Variants in SLCO1B1 observed in about 807,000 individuals in gnomAD.
SLCO1B1 encodes OATP-2.
In SLCO1B1, 81 loss-of-function variants were observed where a neutral mutation model predicts 70.1. The ratio of observed to expected loss-of-function variants is 1.16; its 90% confidence interval spans 0.97 to 1.39. The LOEUF is 1.39. Among genes scored for constraint, SLCO1B1 ranks in the 40% most tolerant of loss-of-function variants. The pLI is 0.00. For synonymous variants in SLCO1B1, 283 were observed against 271.5 expected (o/e 1.04, Z -0.42); for missense variants, 895 against 799.6 (o/e 1.12, Z -1.44).
intron 2 of SLCO1B1, among the ~76,000 whole-genome samples, chr12:21,172,118 C>A (rs1014742166): frequency 6.6e-6 from 1 of 152,152 alleles, no homozygotes; most frequent in South Asian, 2.1e-4. Flanking sequence ...TTAATCGATA[C>A]ATTTTATTAA....
Position 21,217,140 on chromosome 12 carries a change from T to C in SLCO1B1, c.1519T>C (p.Leu507=), listed in dbSNP as rs1423568678. ...TAAGGTGTTTTACAACTGCAGTTGTTTGGAAGTAACTGGTCTCCAGAACAG... is the reference window on the plus strand; with the variant it reads ...TAAGGTGTTTTACAACTGCAGTTGTCTGGAAGTAACTGGTCTCCAGAACAG... The part of the protein sequence containing the change: ...KPIVFYNCSC[L]EVTGLQNRNY... Residue 507 remains leucine (L), a synonymous_variant, in exon 12 of 15, where the codon TTG becomes CTG. Coordinates refer to ENST00000256958, the MANE Select transcript of SLCO1B1 (RefSeq NM_006446.5). The C allele has an allele frequency of 6.2e-7, 1 of 1,613,336 alleles. No individual in the cohort carries two copies. Among genetic ancestry groups the C allele is most frequent in the Non-Finnish European group, 8.5e-7 (1 of 1,179,672 alleles).
intron 2 of SLCO1B1, among the ~76,000 whole-genome samples, chr12:21,157,700 C>G (rs11045798): frequency 0.13 from 19,677 of 150,312 alleles, 1,764 homozygotes; most frequent in Middle Eastern, 0.23. Flanking sequence ...CTCCCAGGTT[C>G]ACGCCATTCT....
Position 21,232,175 on chromosome 12 carries a change from C to T in SLCO1B1, c.1866-6804C>T, listed in dbSNP as rs1941545393. On this transcript the variant is annotated intron_variant, in intron 14 of 14. Coordinates refer to ENST00000256958, the MANE Select transcript of SLCO1B1 (RefSeq NM_006446.5). ...ATCAGAAAGCATTCATTCCCTGGGCCAAGAATTGAGTCCCAGGCCACCATT... is the reference window on the plus strand; with the variant it reads ...ATCAGAAAGCATTCATTCCCTGGGCTAAGAATTGAGTCCCAGGCCACCATT... Among the ~76,000 whole-genome samples the T allele has an allele frequency of 3.9e-5, 6 of 152,282 alleles. No homozygotes were observed. The South Asian group carries it at 1.2e-3, about 32-fold the overall frequency.
intron 11 of SLCO1B1, among the ~76,000 whole-genome samples, chr12:21,206,372 TG>T (rs1253590308): frequency 6.6e-6 from 1 of 151,914 alleles, no homozygotes; most frequent in Non-Finnish European, 1.5e-5. Context: ...TTCATTAAGT[TG>T]GAATTACTTT....
chr12:21,204,958 CACAA>C (rs751520194), intron 10 of SLCO1B1, among the ~76,000 whole-genome samples: 2 of 151,630 alleles, frequency 1.3e-5, no homozygotes, highest in Non-Finnish European at 2.9e-5. Flanking sequence ...ATTTGGGGGC[CACAA>C]ACATTCTGAC....
At chr12:21,158,564 C>A (rs970144694) in intron 2 of SLCO1B1, among the ~76,000 whole-genome samples, 6 of 151,820 alleles carry the variant, frequency 4.0e-5, no homozygotes, top group Non-Finnish European at 7.4e-5. Context: ...TGTGGTGGTG[C>A]CTGCCTTTAG....
intron 2 of SLCO1B1, among the ~76,000 whole-genome samples, chr12:21,159,937 A>G (rs1316899356): frequency 6.6e-6 from 1 of 152,004 alleles, no homozygotes; most frequent in African/African-American, 2.4e-5. Flanking sequence ...AATCTCTACA[A>G]TGAGACTTAT....
At chr12:21,176,450 G>C (rs568859841) in intron 4 of SLCO1B1, among the ~76,000 whole-genome samples, 4 of 152,008 alleles carry the variant, frequency 2.6e-5, no homozygotes, top group Non-Finnish European at 5.9e-5. Flanking sequence ...AGGATGAATG[G>C]TTACACACAA....
intron 12 of SLCO1B1, among the ~76,000 whole-genome samples, chr12:21,220,565 T>A (rs1212588430): frequency 2.0e-5 from 3 of 151,998 alleles, no homozygotes; most frequent in Non-Finnish European, 4.4e-5. Flanking sequence ...GATCCTAGGA[T>A]CAGTTCTCAA....
At chr12:21,194,352 A>G (rs1327017655) in intron 7 of SLCO1B1, among the ~76,000 whole-genome samples, 3 of 152,056 alleles carry the variant, frequency 2.0e-5, no homozygotes, top group Non-Finnish European at 4.4e-5. Context: ...CAGAGGTGAG[A>G]CTAGTGATTT....
intron 2 of SLCO1B1, among the ~76,000 whole-genome samples, chr12:21,159,724 T>C (rs1940589310): frequency 6.6e-6 from 1 of 152,034 alleles, no homozygotes; most frequent in African/African-American, 2.4e-5. Context: ...CATGATTCTA[T>C]ATCTAGAAAA....
chr12:21,159,928 ATC>A (rs1029759125), intron 2 of SLCO1B1, among the ~76,000 whole-genome samples: 8 of 151,976 alleles, frequency 5.3e-5, no homozygotes, highest in African/African-American at 1.9e-4. Flanking sequence ...GAGGTGAAAA[ATC>A]TCTACAATGA....
intron 13 of SLCO1B1, among the ~76,000 whole-genome samples, 193 bp downstream of exon 13, chr12:21,222,557 A>C (rs1941441645): frequency 6.6e-6 from 1 of 151,298 alleles, no homozygotes; most frequent in Non-Finnish European, 1.5e-5. Flanking sequence ...AAATAAAAAC[A>C]ATAAGAGACA....
chr12:21,136,117 TG>T (rs1940217446), intron 1 of SLCO1B1, among the ~76,000 whole-genome samples: 2 of 152,218 alleles, frequency 1.3e-5, no homozygotes, highest in Non-Finnish European at 2.9e-5. Context: ...TATGAAATTC[TG>T]GGTTGAAAAT....
Position 21,164,735 on chromosome 12 carries a change from G to C in SLCO1B1, c.85-7915G>C, listed in dbSNP as rs546147350. 4 of 444,948 alleles carry C rather than the reference G, an allele frequency of 9.0e-6. No individual in the cohort carries two copies. In the Admixed American group the frequency reaches 1.0e-4, roughly 11 times the overall value. 27.6% of individuals were successfully genotyped at this position (444,948 alleles called of 1,614,324 possible). A position where few individuals can be genotyped will look rare whatever the true frequency, so the allele number is the denominator to read the frequency against. ...CTTCCTATTTTGTTTTAAGTATTTT[G>C]TGTCTTCAATATCTAAGCTTCTATA... On this transcript the variant is annotated intron_variant, in intron 2 of 14. Transcript: ENST00000256958.
chr12:21,150,633 G>C (rs1940458990), intron 2 of SLCO1B1, among the ~76,000 whole-genome samples: 1 of 152,144 alleles, frequency 6.6e-6, no homozygotes, highest in Non-Finnish European at 1.5e-5. Context: ...CCTACAAACA[G>C]AAAGGAATAG....
In SLCO1B1 at chr12:21,182,178, T is replaced by C. The variant is rs184464653; in HGVS notation, c.727+3158T>C. Among the ~76,000 whole-genome samples, 34 of 152,178 alleles carry C rather than the reference T, an allele frequency of 2.2e-4. 1 individual carries two copies. The highest frequency in any genetic ancestry group is 7.7e-4 in the African/African-American group (32 of 41,554). ...GTGCAGGGTTGTTGAACACCAGAGATAGTTTCCAGCCCTGAGTGGCTCCTA... is the reference window on the plus strand; with the variant it reads ...GTGCAGGGTTGTTGAACACCAGAGACAGTTTCCAGCCCTGAGTGGCTCCTA... On this transcript the variant is annotated intron_variant, in intron 7 of 14. Coordinates refer to ENST00000256958, the MANE Select transcript of SLCO1B1 (RefSeq NM_006446.5).
At chr12:21,230,479 C>A (rs1941523568) in intron 14 of SLCO1B1, among the ~76,000 whole-genome samples, 1 of 151,826 alleles carries the variant, frequency 6.6e-6, no homozygotes, top group Admixed American at 6.6e-5. Flanking sequence ...TACAGGCATG[C>A]ACCACCATAC....
chr12:21,146,358 G>T (rs981731086), intron 2 of SLCO1B1, among the ~76,000 whole-genome samples: 4 of 151,900 alleles, frequency 2.6e-5, no homozygotes, highest in African/African-American at 7.3e-5. Flanking sequence ...TAACCTGGCT[G>T]GGTCAATTTT....
Sources: gnomAD v4.1 joint callset for allele counts (sites outside exome capture counted in the v4.1 genomes callset) on GRCh38, gnomAD v4.1.1 for gene constraint, MANE v1.5 for transcripts, NCBI Gene and HGNC (gene_info 2026-07-23, HGNC 2026-07-21) for gene names.